Variants in CALN1 observed in about 807,000 individuals in gnomAD.
The protein encoded by CALN1 is calcium-binding protein 8.
CALN1 carries 17 observed loss-of-function variants against 30.6 expected under a neutral mutation model. That is an observed-to-expected ratio of 0.56 (90% CI 0.38 to 0.83). The LOEUF (loss-of-function observed/expected upper bound fraction) is 0.83. CALN1 is among the 40% of genes least tolerant of loss of function. The pLI is 0.00. For synonymous variants in CALN1, 156 were observed against 131.4 expected, an observed-to-expected ratio of 1.19 and a Z score of -1.28; for missense variants, 291 against 354.9, an observed-to-expected ratio of 0.82 and a Z score of 1.45.
chr7:72,395,104 T>TCC (rs1251812533), intron 2 of CALN1, among the ~76,000 whole-genome samples: 1 of 152,128 alleles, frequency 6.6e-6, no homozygotes, highest in Non-Finnish European at 1.5e-5. Context: ...CTAACCTACC[T>TCC]CCCCAAGACC....
intron 3 of CALN1, among the ~76,000 whole-genome samples, chr7:72,271,387 T>G (rs1178279936): frequency 6.6e-6 from 1 of 151,600 alleles, no homozygotes. Context: ...GAATGCATGG[T>G]GAATATCTAT....
intron 5 of CALN1, among the ~76,000 whole-genome samples, chr7:72,013,617 AG>A (rs1413784882): frequency 2.0e-5 from 3 of 152,116 alleles, no homozygotes; most frequent in African/African-American, 7.2e-5. Context: ...AATACAAACA[AG>A]TATAAAGAAA....
intron 2 of CALN1, among the ~76,000 whole-genome samples, chr7:72,289,981 G>C (rs991269059): frequency 5.3e-5 from 8 of 150,768 alleles, no homozygotes; most frequent in Non-Finnish European, 8.8e-5. Flanking sequence ...AGGAGGCTGA[G>C]GTTGGAGAAT....
intron 5 of CALN1, among the ~76,000 whole-genome samples, chr7:71,843,807 C>T (rs560845314): frequency 6.6e-6 from 1 of 152,284 alleles, no homozygotes; most frequent in Non-Finnish European, 1.5e-5. Flanking sequence ...GCCACAAGCC[C>T]TCTATAAATG....
intron 2 of CALN1, among the ~76,000 whole-genome samples, chr7:72,384,269 G>C (rs140491107): frequency 5.3e-5 from 8 of 152,276 alleles, no homozygotes; most frequent in African/African-American, 1.9e-4. Context: ...ATGTCTGCAA[G>C]TGTGTGCATA....
chr7:72,313,750 G>C (rs554017049), intron 2 of CALN1, among the ~76,000 whole-genome samples: 54 of 152,182 alleles, frequency 3.5e-4, no homozygotes, highest in Non-Finnish European at 7.5e-4. Context: ...GCTAATAATT[G>C]GCAAACTGAA....
At chr7:72,186,840 C>T (rs190348127) in intron 3 of CALN1, among the ~76,000 whole-genome samples, 1 of 144,482 alleles carries the variant, frequency 6.9e-6, no homozygotes, top group Admixed American at 6.9e-5. Context: ...AATTCTCTGA[C>T]TTTGCTATTG....
At chr7:71,842,282 T>C (rs1007803138) in intron 5 of CALN1, among the ~76,000 whole-genome samples, 1 of 152,230 alleles carries the variant, frequency 6.6e-6, no homozygotes, top group Non-Finnish European at 1.5e-5. Flanking sequence ...AGCAATACTA[T>C]CCTGCCCTGC....
At chr7:72,481,218 C>G in the CALN1 span, among the ~76,000 whole-genome samples, 3 of 152,168 alleles carry the variant, frequency 2.0e-5, no homozygotes, top group Admixed American at 6.5e-5. Flanking sequence ...TCCCAAAGTG[C>G]TGGGATTACA....
intron 5 of CALN1, among the ~76,000 whole-genome samples, chr7:71,903,626 T>A (rs1219889822): frequency 2.6e-5 from 4 of 152,154 alleles, no homozygotes; most frequent in Non-Finnish European, 5.9e-5. Flanking sequence ...ATGAAAAGCT[T>A]CATGACATTG....
intron 3 of CALN1, among the ~76,000 whole-genome samples, chr7:72,197,550 G>A (rs1791119732): frequency 6.6e-6 from 1 of 152,140 alleles, no homozygotes; most frequent in Non-Finnish European, 1.5e-5. Context: ...ATGTGGCCTG[G>A]CTGGACATAG....
intron 3 of CALN1, 43 bp downstream of exon 3, chr7:72,278,643 C>T (rs1797521805): frequency 3.1e-6 from 5 of 1,591,466 alleles, no homozygotes; most frequent in Non-Finnish European, 4.3e-6. Flanking sequence ...GAAACACCTC[C>T]CTGGGAGGGG....
chr7:72,194,425 G>A (rs1790840026), intron 3 of CALN1, among the ~76,000 whole-genome samples: 1 of 152,046 alleles, frequency 6.6e-6, no homozygotes, highest in South Asian at 2.1e-4. Flanking sequence ...AGCTACTCGG[G>A]AGGCTGAGGC....
chr7:72,305,487 A>G (rs1562864506), intron 2 of CALN1, among the ~76,000 whole-genome samples: 1 of 152,192 alleles, frequency 6.6e-6, no homozygotes, highest in Non-Finnish European at 1.5e-5. Flanking sequence ...GGTCCTGCTA[A>G]GTCCACCATA....
At chr7:72,403,596 G>A (rs1421859472) in intron 1 of CALN1, among the ~76,000 whole-genome samples, 154 bp from the exon 2 acceptor site, 1 of 152,210 alleles carries the variant, frequency 6.6e-6, no homozygotes, top group South Asian at 2.1e-4. Flanking sequence ...AATTACAGTT[G>A]AGACACATGT....
intron 5 of CALN1, among the ~76,000 whole-genome samples, chr7:71,878,279 G>A (rs1330435851): frequency 1.3e-5 from 2 of 152,178 alleles, no homozygotes; most frequent in African/African-American, 2.4e-5. Flanking sequence ...GTGCATGCCT[G>A]TAATCCCAGC....
intron 6 of CALN1, among the ~76,000 whole-genome samples, chr7:71,799,202 ATGT>A (rs1236442472): frequency 6.6e-6 from 1 of 152,178 alleles, no homozygotes; most frequent in Non-Finnish European, 1.5e-5. Context: ...GTCATGGATG[ATGT>A]TGTTTAATCC....
At chr7:72,394,754 TG>T (rs2129561618) in intron 2 of CALN1, among the ~76,000 whole-genome samples, 1 of 151,556 alleles carries the variant, frequency 6.6e-6, no homozygotes, top group East Asian at 1.9e-4. Context: ...CTTAAATTCC[TG>T]GGATCAAGCA....
intron 5 of CALN1, among the ~76,000 whole-genome samples, chr7:71,980,014 A>G (rs1798310407): frequency 6.7e-6 from 1 of 150,240 alleles, no homozygotes; most frequent in South Asian, 2.1e-4. Context: ...TATAGCTGGG[A>G]TTACAGGTGT....
Sources: gnomAD v4.1 joint callset for allele counts (sites outside exome capture counted in the v4.1 genomes callset) on GRCh38, gnomAD v4.1.1 for gene constraint, MANE v1.5 for transcripts, NCBI Gene and HGNC (gene_info 2026-07-23, HGNC 2026-07-21) for gene names.